Variants in RUBCN observed in about 807,000 individuals in gnomAD.
RUBCN encodes run domain Beclin-1-interacting and cysteine-rich domain-containing protein.
RUBCN carries 74 observed loss-of-function variants against 113.2 expected under a neutral mutation model. That is an observed-to-expected ratio of 0.65 (90% CI 0.54 to 0.79). The LOEUF is 0.79. Among genes scored for constraint, RUBCN ranks in the 30% least tolerant of loss-of-function variants. The probability of loss-of-function intolerance (pLI) is 0.00; values close to 1 mark genes in which losing one functional copy is unlikely to be tolerated. For synonymous variants in RUBCN, 480 were observed against 490.0 expected, an observed-to-expected ratio of 0.98 and a Z score of 0.27; for missense variants, 1,109 against 1,251.7, an observed-to-expected ratio of 0.89 and a Z score of 1.72.
At chr3:197,736,978 C>A, upstream of RUBCN, 1 of 1,268,438 alleles carries the variant, frequency 7.9e-7, no homozygotes, top group African/African-American at 1.6e-5. Flanking sequence ...AGGACGCGTC[C>A]TCCAATCCCA....
At chr3:197,729,654 G>A (rs1727198347) in intron 1 of RUBCN, among the ~76,000 whole-genome samples, 1 of 152,168 alleles carries the variant, frequency 6.6e-6, no homozygotes, top group African/African-American at 2.4e-5. Flanking sequence ...CGCCTACCAG[G>A]TTCAAGCAAT....
chr3:197,725,983 T>C (rs1726701536), intron 1 of RUBCN, among the ~76,000 whole-genome samples: 1 of 152,192 alleles, frequency 6.6e-6, no homozygotes, highest in African/African-American at 2.4e-5. Flanking sequence ...ATCTTATTCA[T>C]GCAGAGCTCT....
At chr3:197,679,844 A>G (rs1450282223) in intron 16 of RUBCN, among the ~76,000 whole-genome samples, 2 of 146,606 alleles carry the variant, frequency 1.4e-5, no homozygotes, top group Non-Finnish European at 1.5e-5. Flanking sequence ...AACTGGCTCC[A>G]GACTGTCCTA....
At chr3:197,676,729 C>A (rs756700262) in intron 18 of RUBCN, 156 bp downstream of exon 18, 114 of 1,499,376 alleles carry the variant, frequency 7.6e-5, no homozygotes, top group Middle Eastern at 7.4e-4. Flanking sequence ...GGCTGCTCTC[C>A]AGGCTAAGGA....
At chr3:197,738,534 T>C (rs534647414), upstream of RUBCN, among the ~76,000 whole-genome samples, 4 of 152,362 alleles carry the variant, frequency 2.6e-5, no homozygotes, top group African/African-American at 9.6e-5. Flanking sequence ...TAAACGATTA[T>C]ACTTCTTTAA....
chr3:197,730,532 A>G (rs951362872), intron 1 of RUBCN, among the ~76,000 whole-genome samples: 4 of 151,396 alleles, frequency 2.6e-5, no homozygotes, highest in African/African-American at 9.7e-5. Context: ...TTGAACACCC[A>G]TATTTGGGCA....
intron 1 of RUBCN, among the ~76,000 whole-genome samples, chr3:197,723,289 C>T (rs1362992506): frequency 1.3e-5 from 2 of 152,156 alleles, no homozygotes; most frequent in South Asian, 2.1e-4. Flanking sequence ...ACCCGATTCT[C>T]GTGCCTCAGC....
intron 13 of RUBCN, among the ~76,000 whole-genome samples, 176 bp from the exon 14 acceptor site, chr3:197,682,791 G>A (rs941989369): frequency 4.6e-5 from 7 of 152,178 alleles, no homozygotes; most frequent in African/African-American, 1.7e-4. Flanking sequence ...AGCATAATGA[G>A]TGAAAGACAT....
At chr3:197,721,607 G>A (rs9849915) in intron 1 of RUBCN, among the ~76,000 whole-genome samples, 17,048 of 151,538 alleles carry the variant, frequency 0.11, 1,173 homozygotes, top group African/African-American at 0.18. Flanking sequence ...TTTCTGCTCT[G>A]ATCTTTATTA....
chr3:197,681,158 T>A lies in RUBCN; in HGVS notation c.2401A>T (p.Arg801Trp). 1 of 1,613,864 alleles carries A rather than the reference T, an allele frequency of 6.2e-7. No individual in the cohort carries two copies. The highest frequency in any genetic ancestry group is 8.5e-7 in the Non-Finnish European group (1 of 1,179,846). ...ACTTGATTGAGCAGCTTGACCTTCC[T>A]ATAGAGGGCACTGTTTATGTCCTGC... Reference protein sequence around the residue: ...NVQDINSALYRKVKLLNQVRL... With the variant: ...NVQDINSALYWKVKLLNQVRL... The change falls in exon 16 of 20, where the codon AGG (arginine) becomes TGG (tryptophan). Residue 801 changes from arginine (R) to tryptophan (W), a missense_variant. Physicochemically the swap from Arg to Trp is moderately radical, Grantham distance 101. Transcript: ENST00000296343. The surrounding 1 kb of genome is among the most constrained non-coding windows in gnomAD (Gnocchi z 5.5).
intron 1 of RUBCN, 119 bp downstream of exon 1, chr3:197,736,536 G>T (rs1440709447): frequency 3.1e-6 from 2 of 641,442 alleles, no homozygotes; most frequent in Admixed American, 2.4e-5. Context: ...GTCCTCCGCA[G>T]CCGTCGTCCT....
At chr3:197,685,270 A>G (rs76156411) in intron 11 of RUBCN, among the ~76,000 whole-genome samples, 5,012 of 152,266 alleles carry the variant, frequency 0.033, 147 homozygotes, top group African/African-American at 0.078. Flanking sequence ...TGAAAACAAG[A>G]CTGTTCTGAT....
rs1473114964 is a variant in RUBCN, at chr3:197,683,849, G to C, written c.1847+308C>G. Among the ~76,000 whole-genome samples the C allele has an allele frequency of 6.6e-6, 1 of 152,148 alleles. No individual in the cohort carries two copies. Among genetic ancestry groups the C allele is most frequent in the African/African-American group, 2.4e-5 (1 of 41,430 alleles). ...CTATGATGTGGAATCTGTTCAATTT[G>C]ATTTCATAACCAAAAACCATCATCA... is the stretch of plus-strand genomic sequence containing the variant. On this transcript the variant is annotated intron_variant, in intron 12 of 19. Transcript: ENST00000296343. The surrounding 1 kb of genome is among the most constrained non-coding windows in gnomAD (Gnocchi z 4.6).
At position 197,736,711 on chromosome 3, in the gene RUBCN, C is replaced by CG. The variant is rs1287351785; in HGVS notation, c.8dup (p.Glu4GlyfsTer16). On this transcript the variant is annotated frameshift_variant, in exon 1 of 20. Coordinates refer to ENST00000296343, the MANE Select transcript of RUBCN (RefSeq NM_014687.4). LOFTEE classifies it high-confidence loss of function. Reference sequence around the variant, plus strand: ...CTCCGAGCTCCATTCCCGCGCCCTCCGGCCGCATCCGGGGCGGTGAGGCCG... The same window carrying CG: ...CTCCGAGCTCCATTCCCGCGCCCTCCGGGCCGCATCCGGGGCGGTGAGGCCG... 1 of 1,530,830 alleles carries CG rather than the reference C, an allele frequency of 6.5e-7. No homozygotes were observed. The highest frequency in any genetic ancestry group is 2.5e-5 in the East Asian group (1 of 40,582). 94.8% of individuals were successfully genotyped at this position (1,530,830 alleles called of 1,614,324 possible).
chr3:197,742,336 T>C (rs1028082213), intron 1 of RUBCN, among the ~76,000 whole-genome samples: 10 of 151,854 alleles, frequency 6.6e-5, no homozygotes, highest in Non-Finnish European at 1.5e-4. Flanking sequence ...CTACTAAAAA[T>C]ACAAAAATCA....
rs114976739 is a variant in RUBCN, at chr3:197,670,967, G to A, written c.*4051C>T. On this transcript the variant is annotated 3_prime_UTR_variant, in exon 20 of 20. Transcript: ENST00000296343. ...GGTGAGCACTAAGAGGGGAGGTAGA[G>A]GTGGTCACAATCCCGCCCCTCATGC... Among the ~76,000 whole-genome samples, 1,618 of 152,294 alleles carry A rather than the reference G, an allele frequency of 0.011. 23 individuals carry two copies. The highest frequency in any genetic ancestry group is 0.037 in the African/African-American group (1,529 of 41,554).
At chr3:197,723,763 CTTAGA>C (rs1726425668) in intron 1 of RUBCN, among the ~76,000 whole-genome samples, 1 of 152,134 alleles carries the variant, frequency 6.6e-6, no homozygotes, top group Admixed American at 6.6e-5. Context: ...ATGCCTGAAT[CTTAGA>C]TGCAAGTAAA....
At chr3:197,734,256 C>CAA (rs1263970915) in intron 1 of RUBCN, among the ~76,000 whole-genome samples, 20 of 95,688 alleles carry the variant, frequency 2.1e-4, no homozygotes, top group Admixed American at 4.9e-4. Context: ...GACTCTATCT[C>CAA]AAAAAAAAAA....
intron 17 of RUBCN, 124 bp from the exon 18 acceptor site, chr3:197,677,162 G>A: frequency 1.9e-6 from 2 of 1,065,434 alleles, no homozygotes; most frequent in South Asian, 2.6e-5. Flanking sequence ...CCAGCCCAAG[G>A]TTCCAGGCCG....
Sources: allele counts gnomAD v4.1 joint callset (sites outside exome capture counted in the v4.1 genomes callset), GRCh38; gene constraint gnomAD v4.1.1; non-coding constraint Gnocchi (gnomAD v3.1); transcripts MANE v1.5; gene names NCBI Gene and HGNC (gene_info 2026-07-23, HGNC 2026-07-21).